Variants in DPYD observed in about 807,000 individuals in gnomAD.
DPYD encodes the protein dihydropyrimidine dehydrogenase.
Under a neutral mutation model 116.2 loss-of-function variants are expected in DPYD, and 109 were observed. That is an observed-to-expected ratio of 0.94 (90% CI 0.80 to 1.10). The LOEUF (loss-of-function observed/expected upper bound fraction) is 1.10, where lower values mean the gene tolerates loss of function less well. Ranked by LOEUF, DPYD falls within the 50% of genes least tolerant of loss-of-function variation. DPYD has a pLI of 0.00. For missense variants in DPYD, 1,302 were observed against 1,254.5 expected, an observed-to-expected ratio of 1.04 and a Z score of -0.57; for synonymous variants, 440 against 432.0, an observed-to-expected ratio of 1.02 and a Z score of -0.23.
At chr1:97,231,612 C>T (rs967115969) in intron 19 of DPYD, among the ~76,000 whole-genome samples, 1 of 152,120 alleles carries the variant, frequency 6.6e-6, no homozygotes, top group African/African-American at 2.4e-5. Context: ...CACCAGGTCC[C>T]TCCCACAACA....
intron 20 of DPYD, among the ~76,000 whole-genome samples, chr1:97,186,444 C>A (rs11165805): frequency 6.6e-6 from 1 of 152,038 alleles, no homozygotes; most frequent in Non-Finnish European, 1.5e-5. Context: ...TTTTGAGACT[C>A]CAATGACTAT....
chr1:97,797,349 T>G (rs1667623535), intron 3 of DPYD: 2 of 152,130 alleles, frequency 1.3e-5, no homozygotes, highest in African/African-American at 4.8e-5. Context: ...TCAAGGAAAT[T>G]CATTTCAGTA....
chr1:97,809,643 G>A (rs1338217640), intron 3 of DPYD, among the ~76,000 whole-genome samples: 35 of 152,272 alleles, frequency 2.3e-4, no homozygotes, highest in Non-Finnish European at 1.0e-4. Context: ...CAAATCAGTG[G>A]TCACAGGGAG....
chr1:97,266,769 A>G (rs1176153325), intron 18 of DPYD, among the ~76,000 whole-genome samples: 1 of 151,970 alleles, frequency 6.6e-6, no homozygotes, highest in Non-Finnish European at 1.5e-5. Context: ...TATGAGTGAG[A>G]ACATGGGGTG....
At chr1:97,195,519 GGAGAGAGAGAGA>G (rs3050245) in intron 19 of DPYD, among the ~76,000 whole-genome samples, 21,069 of 74,982 alleles carry the variant, frequency 0.28, 3,283 homozygotes, top group Admixed American at 0.38. Context: ...AATGGGATAA[GGAGAGAGAGAGA>G]GAGAGAGAGA....
intron 3 of DPYD, among the ~76,000 whole-genome samples, chr1:97,800,718 T>C (rs1428514911): frequency 6.6e-6 from 1 of 151,918 alleles, no homozygotes; most frequent in African/African-American, 2.4e-5. Context: ...TGTCTTTTTT[T>C]CTGTCTGTTA....
intron 19 of DPYD, among the ~76,000 whole-genome samples, chr1:97,220,245 A>G (rs1214440139): frequency 1.3e-5 from 2 of 152,062 alleles, no homozygotes; most frequent in Non-Finnish European, 1.5e-5. Flanking sequence ...TTATACGAAG[A>G]GAAAGAAAGA....
At chr1:97,849,108 T>C (rs940632804) in intron 2 of DPYD, among the ~76,000 whole-genome samples, 1 of 152,176 alleles carries the variant, frequency 6.6e-6, no homozygotes, top group Non-Finnish European at 1.5e-5. Flanking sequence ...CAAATTACCA[T>C]ATTATTGTGA....
At chr1:97,142,815 C>T (rs1654328125) in intron 20 of DPYD, among the ~76,000 whole-genome samples, 6 of 151,906 alleles carry the variant, frequency 3.9e-5, no homozygotes, top group Admixed American at 3.3e-4. Context: ...TTTGGTTCTT[C>T]TAAGATTTTC....
intron 3 of DPYD, among the ~76,000 whole-genome samples, chr1:97,791,693 T>C (rs1285109265): frequency 1.3e-5 from 2 of 152,310 alleles, no homozygotes; most frequent in South Asian, 2.1e-4. Flanking sequence ...TGCTAGTGTA[T>C]TGACTAACCT....
chr1:97,261,518 A>T (rs1408233150), intron 18 of DPYD, among the ~76,000 whole-genome samples: 691 of 15,064 alleles, frequency 0.046, 2 homozygotes, highest in African/African-American at 0.19. Flanking sequence ...TTTTTTTTTA[A>T]AAAAGAACGA....
intron 14 of DPYD, chr1:97,394,268 T>C (rs1016750140): frequency 2.0e-5 from 3 of 152,174 alleles, no homozygotes; most frequent in African/African-American, 7.2e-5. Context: ...CGGTAGTTTC[T>C]TTTGCTGTGC....
At chr1:97,442,933 T>C (rs1374313776) in intron 14 of DPYD, among the ~76,000 whole-genome samples, 1 of 152,208 alleles carries the variant, frequency 6.6e-6, no homozygotes, top group East Asian at 1.9e-4. Context: ...AATGCATAAA[T>C]ATTCTATGCA....
chr1:97,750,616 A>T lies in DPYD; in HGVS notation c.234-10137T>A, dbSNP rs989118997. Among the ~76,000 whole-genome samples, 7 of 152,296 alleles carry T rather than the reference A, an allele frequency of 4.6e-5. 1 individual carries two copies. In the Middle Eastern group the frequency reaches 0.017, roughly 370 times the overall value. On this transcript the variant is annotated intron_variant, in intron 3 of 22. Transcript: ENST00000370192. ...ATATGAATTGACCAGGCAAAAGCAA[A>T]CCAATGATACTCCCATATATGAAAT...
At chr1:97,179,491 A>C (rs1003546229) in intron 20 of DPYD, among the ~76,000 whole-genome samples, 1 of 152,138 alleles carries the variant, frequency 6.6e-6, no homozygotes, top group Admixed American at 6.6e-5. Flanking sequence ...ATGGTATAAA[A>C]TTGATAAGTA....
At chr1:97,252,693 G>C (rs1049332028) in intron 18 of DPYD, among the ~76,000 whole-genome samples, 3 of 152,144 alleles carry the variant, frequency 2.0e-5, no homozygotes, top group Non-Finnish European at 4.4e-5. Flanking sequence ...GAGACTCATT[G>C]TAATTGTGTA....
intron 2 of DPYD, among the ~76,000 whole-genome samples, chr1:97,837,244 CTG>C (rs903777399): frequency 6.6e-6 from 1 of 152,058 alleles, no homozygotes; most frequent in African/African-American, 2.4e-5. Context: ...ATTCCACTCT[CTG>C]TTGTTTCAAG....
intron 12 of DPYD, among the ~76,000 whole-genome samples, chr1:97,533,434 A>C (rs1649782895): frequency 6.6e-6 from 1 of 152,152 alleles, no homozygotes; most frequent in Non-Finnish European, 1.5e-5. Flanking sequence ...CAAATTTTCA[A>C]AAGTGTCAAT....
chr1:97,855,769 C>T (rs1294901745), intron 2 of DPYD: 2 of 152,136 alleles, frequency 1.3e-5, no homozygotes, highest in Non-Finnish European at 2.9e-5. Flanking sequence ...ATAAAAATTC[C>T]AATCTTCAGG....
Sources: allele counts gnomAD v4.1 joint callset (sites outside exome capture counted in the v4.1 genomes callset), GRCh38; gene constraint gnomAD v4.1.1; transcripts MANE v1.5; gene names NCBI Gene and HGNC (gene_info 2026-07-23, HGNC 2026-07-21).